The following DDR2 variants were observed in gnomAD, a reference collection of about 807,000 sequenced individuals.
DDR2 encodes discoidin domain-containing receptor 2.
In DDR2, 27 loss-of-function variants were observed where a neutral mutation model predicts 94.9. That is an observed-to-expected ratio of 0.28 (90% CI 0.21 to 0.39). The LOEUF (loss-of-function observed/expected upper bound fraction) is 0.39. DDR2 is among the 10% of genes least tolerant of loss of function. The pLI is 1.00. For synonymous variants in DDR2, 382 were observed against 377.2 expected (o/e 1.01, Z -0.15); for missense variants, 783 against 1,076.0 (o/e 0.73, Z 3.81).
chr1:162,732,163 C>T (rs1383947745), intron 3 of DDR2, among the ~76,000 whole-genome samples: 2 of 152,158 alleles, frequency 1.3e-5, no homozygotes, highest in African/African-American at 4.8e-5. Context: ...AAGGTCTATT[C>T]CTAAGGGGAA....
At chr1:162,752,530 G>A (rs1408996435) in intron 3 of DDR2, among the ~76,000 whole-genome samples, 2 of 152,172 alleles carry the variant, frequency 1.3e-5, no homozygotes, top group Non-Finnish European at 2.9e-5. Context: ...TCCGTCTTTG[G>A]TTGAAAGTGG....
chr1:162,753,297 G>T (rs1663303867), intron 4 of DDR2, 100 bp downstream of exon 4: 1 of 1,064,834 alleles, frequency 9.4e-7, no homozygotes, highest in Non-Finnish European at 1.4e-6. Flanking sequence ...GGTGTTATTG[G>T]CAGGAACTGT....
intron 13 of DDR2, among the ~76,000 whole-genome samples, chr1:162,773,115 G>A (rs1000565865): frequency 1.3e-5 from 2 of 152,114 alleles, no homozygotes; most frequent in Non-Finnish European, 2.9e-5. Context: ...ATTGCCTTAC[G>A]TTTTACATGA....
At chr1:162,703,586 A>T (rs1660525983) in intron 2 of DDR2, among the ~76,000 whole-genome samples, 1 of 152,172 alleles carries the variant, frequency 6.6e-6, no homozygotes, top group African/African-American at 2.4e-5. Flanking sequence ...TTTATTGAGC[A>T]CCTACTATAG....
chr1:162,678,607 C>G (rs1218115894), intron 2 of DDR2, among the ~76,000 whole-genome samples: 1 of 152,224 alleles, frequency 6.6e-6, no homozygotes, highest in Admixed American at 6.5e-5. Flanking sequence ...TCCCTCTGGT[C>G]TGTTGCCCAG....
At chr1:162,733,139 C>T (rs1662139608) in intron 3 of DDR2, among the ~76,000 whole-genome samples, 4 of 152,242 alleles carry the variant, frequency 2.6e-5, no homozygotes, top group African/African-American at 9.6e-5. Flanking sequence ...TCTTGCTTCC[C>T]TTGCCATTCC....
rs758442995 is a variant in DDR2, at chr1:162,775,796, C to G, written c.2001C>G (p.Ser667=). Residue 667 remains serine (S), a synonymous_variant, in exon 15 of 18, where the codon TCC becomes TCG. Transcript: ENST00000367921. ...MENGDLNQFL[S]RHEPPNSSSS... ...ATGGAGATCTCAATCAGTTTCTTTC[C>G]CGCCACGAGCCCCCTAATTCTTCCT... 1 of 1,614,080 alleles carries G rather than the reference C, an allele frequency of 6.2e-7. No homozygotes were observed. The highest frequency in any genetic ancestry group is 8.5e-7 in the Non-Finnish European group (1 of 1,180,002).
At chr1:162,679,343 T>C (rs1362626931) in intron 2 of DDR2, among the ~76,000 whole-genome samples, 2 of 151,912 alleles carry the variant, frequency 1.3e-5, no homozygotes, top group African/African-American at 4.8e-5. Context: ...AATGAGATCA[T>C]GTTCTCTGAC....
intron 15 of DDR2, 22 bp downstream of exon 15, chr1:162,775,865 TCTC>T (rs765002336): frequency 4.3e-6 from 7 of 1,613,364 alleles, no homozygotes; most frequent in Admixed American, 1.7e-5. Context: ...AGGTCTTCCT[TCTC>T]CTCCCTGTGG....
At chr1:162,773,621 TC>T in intron 14 of DDR2, 25 bp downstream of exon 14, 1 of 1,613,562 alleles carries the variant, frequency 6.2e-7, no homozygotes, top group African/African-American at 1.3e-5. Context: ...TTTTGAATTT[TC>T]CTTTAGGTAT....
At chr1:162,738,292 A>T (rs1662418511) in intron 3 of DDR2, among the ~76,000 whole-genome samples, 1 of 41,054 alleles carries the variant, frequency 2.4e-5, no homozygotes, top group African/African-American at 9.7e-5. Flanking sequence ...CAAAAATCAC[A>T]AGCATTCTTA....
At position 162,632,957 on chromosome 1, in the gene DDR2, G is replaced by A. The variant is rs182295351; in HGVS notation, c.-192+326G>A. 2.6e-5 allele frequency among the ~76,000 whole-genome samples: 4 copies of A among 152,324 alleles called. No homozygotes were observed. In the East Asian group the frequency reaches 7.7e-4, roughly 29 times the overall value. On this transcript the variant is annotated intron_variant, in intron 1 of 17. Transcript: ENST00000367921. ...TTGAAATTGTTGGCAGGCAAGACAGGCCGATTGCAGAGTTAGTTTCAGGAT... is the reference window on the plus strand; with the variant it reads ...TTGAAATTGTTGGCAGGCAAGACAGACCGATTGCAGAGTTAGTTTCAGGAT...
chr1:162,734,740 C>T (rs529918944), intron 3 of DDR2, among the ~76,000 whole-genome samples: 60 of 152,172 alleles, frequency 3.9e-4, no homozygotes, highest in African/African-American at 1.3e-3. Context: ...ATAAGGTCAG[C>T]GTGCTTGGTA....
chr1:162,749,967 A>G (rs1409986457), intron 3 of DDR2, among the ~76,000 whole-genome samples: 1 of 152,244 alleles, frequency 6.6e-6, no homozygotes, highest in Non-Finnish European at 1.5e-5. Context: ...ACAGCCCTTC[A>G]TGCTAAAAGC....
In DDR2 at chr1:162,767,061, G is replaced by GAAAA. The variant is rs5778292; in HGVS notation, c.1163-167_1163-164dup. Reference sequence around the variant, plus strand: ...AAAAAAAGTAATAAAACAGTAGCAAGAAAACAAAACAGTAGCAAGAGCAAG... The same window carrying GAAAA: ...AAAAAAAGTAATAAAACAGTAGCAAGAAAAAAAACAAAACAGTAGCAAGAGCAAG... On this transcript the variant is annotated intron_variant, in intron 10 of 17. Transcript: ENST00000367921. Among the ~76,000 whole-genome samples the GAAAA allele has an allele frequency of 0.67, 96,849 of 145,138 alleles. 35,978 individuals are homozygous for GAAAA. The highest frequency in any genetic ancestry group is 0.84 in the Non-Finnish European group (56,035 of 67,008).
chr1:162,723,549 C>T (rs2102040115), intron 3 of DDR2, among the ~76,000 whole-genome samples: 1 of 152,254 alleles, frequency 6.6e-6, no homozygotes, highest in Non-Finnish European at 1.5e-5. Flanking sequence ...ATGAATAGAA[C>T]TATCCTGATG....
chr1:162,743,014 T>G (rs957748213), intron 3 of DDR2, among the ~76,000 whole-genome samples: 1 of 152,120 alleles, frequency 6.6e-6, no homozygotes, highest in Non-Finnish European at 1.5e-5. Context: ...GGAGATACAA[T>G]TCAAGTTGAG....
intron 3 of DDR2, among the ~76,000 whole-genome samples, chr1:162,734,229 A>G (rs537527739): frequency 6.6e-6 from 1 of 152,354 alleles, no homozygotes; most frequent in South Asian, 2.1e-4. Context: ...CTTACAAGGA[A>G]GTTTCCTGTA....
intron 1 of DDR2, among the ~76,000 whole-genome samples, chr1:162,640,683 G>A (rs1657085540): frequency 6.6e-6 from 1 of 152,078 alleles, no homozygotes; most frequent in African/African-American, 2.4e-5. Flanking sequence ...TTTCAGATAA[G>A]TACCCTAAAC....
Sources: allele counts gnomAD v4.1 joint callset (sites outside exome capture counted in the v4.1 genomes callset), GRCh38; gene constraint gnomAD v4.1.1; transcripts MANE v1.5; gene names NCBI Gene and HGNC (gene_info 2026-07-23, HGNC 2026-07-21).